PTPRR: variants seen among roughly 807,000 people sequenced by gnomAD.
PTPRR encodes the protein receptor-type tyrosine-protein phosphatase R.
PTPRR carries 38 observed loss-of-function variants against 77.2 expected under a neutral mutation model. The ratio of observed to expected loss-of-function variants is 0.49; its 90% confidence interval spans 0.38 to 0.65. PTPRR has a LOEUF of 0.65. Ranked by LOEUF, PTPRR falls within the 30% of genes least tolerant of loss-of-function variation. The pLI is 0.00. For synonymous variants in PTPRR, 299 were observed against 283.1 expected (o/e 1.06, Z -0.57); for missense variants, 744 against 799.2 (o/e 0.93, Z 0.83).
intron 6 of PTPRR, among the ~76,000 whole-genome samples, chr12:70,703,623 G>GATA (rs1888510930): frequency 1.3e-5 from 2 of 152,204 alleles, no homozygotes; most frequent in African/African-American, 4.8e-5. Context: ...TACGGATTCT[G>GATA]ATAATAGTTT....
intron 4 of PTPRR, among the ~76,000 whole-genome samples, chr12:70,758,161 C>T (rs1890605681): frequency 6.6e-6 from 1 of 152,240 alleles, no homozygotes; most frequent in Non-Finnish European, 1.5e-5. Context: ...AATACTTCCT[C>T]ATCTTCTGTA....
chr12:70,761,032 A>G lies in PTPRR; in HGVS notation c.627+439T>C, dbSNP rs147769031. ...AAAAATCACATTTCAAATTAATTTC[A>G]AAGTTATGGGAAAAGGCGAATATCT... On this transcript the variant is annotated intron_variant, in intron 4 of 13. Coordinates refer to ENST00000283228, the MANE Select transcript of PTPRR (RefSeq NM_002849.4). Among the ~76,000 whole-genome samples the G allele has an allele frequency of 2.8e-3, 432 of 152,338 alleles. 2 individuals carry two copies. The highest frequency in any genetic ancestry group is 4.6e-3 in the Non-Finnish European group (310 of 68,034).
chr12:70,724,574 T>C (rs1889369510), intron 6 of PTPRR, among the ~76,000 whole-genome samples: 1 of 152,218 alleles, frequency 6.6e-6, no homozygotes, highest in Admixed American at 6.5e-5. Flanking sequence ...CCTTCAGTGC[T>C]ACTGCTACCC....
intron 2 of PTPRR, among the ~76,000 whole-genome samples, chr12:70,807,545 T>A (rs1241946772): frequency 1.3e-5 from 2 of 152,210 alleles, no homozygotes; most frequent in Non-Finnish European, 2.9e-5. Context: ...TTTAGTTCAG[T>A]ATATTTTAAA....
chr12:70,664,075 C>T (rs954662217), intron 10 of PTPRR, among the ~76,000 whole-genome samples: 3 of 152,172 alleles, frequency 2.0e-5, no homozygotes, highest in Non-Finnish European at 2.9e-5. Flanking sequence ...GAATCAGTTT[C>T]TTTCATCCAT....
At chr12:70,769,505 A>C (rs567754142) in intron 2 of PTPRR, among the ~76,000 whole-genome samples, 15 of 152,328 alleles carry the variant, frequency 9.8e-5, no homozygotes, top group Non-Finnish European at 2.1e-4. Flanking sequence ...TCAATGAAAT[A>C]AAAGAGGATA....
intron 6 of PTPRR, among the ~76,000 whole-genome samples, chr12:70,740,521 C>A (rs773917429): frequency 6.6e-6 from 1 of 152,186 alleles, no homozygotes; most frequent in African/African-American, 2.4e-5. Context: ...TACAGGCATG[C>A]ACCACCATGC....
chr12:70,642,136 G>T (rs1886026792), intron 13 of PTPRR, among the ~76,000 whole-genome samples: 1 of 151,994 alleles, frequency 6.6e-6, no homozygotes, highest in African/African-American at 2.4e-5. Context: ...GTTTGCAGGT[G>T]CATCAGGTGG....
intron 2 of PTPRR, among the ~76,000 whole-genome samples, chr12:70,802,547 A>G (rs1311020169): frequency 6.6e-6 from 1 of 152,244 alleles, no homozygotes; most frequent in Non-Finnish European, 1.5e-5. Flanking sequence ...TCTGTTAGAT[A>G]ATAATTAAGA....
At chr12:70,853,399 G>T (rs1027515754) in intron 2 of PTPRR, among the ~76,000 whole-genome samples, 1 of 152,142 alleles carries the variant, frequency 6.6e-6, no homozygotes, top group African/African-American at 2.4e-5. Context: ...ACTACATAAG[G>T]TCGCACAACT....
At chr12:70,732,941 T>G (rs1183615714) in intron 6 of PTPRR, among the ~76,000 whole-genome samples, 1 of 152,196 alleles carries the variant, frequency 6.6e-6, no homozygotes, top group Non-Finnish European at 1.5e-5. Flanking sequence ...TTTTTTCATA[T>G]TGAGATTTAA....
At position 70,767,939 on chromosome 12, in the gene PTPRR, A is replaced by G. The variant is rs534638899; in HGVS notation, c.358-3161T>C. ...ACTGGGTACATAACGAAATGAAGGC[A>G]GAAATAAAGATGTTCTTTGAAACCA... On this transcript the variant is annotated intron_variant, in intron 2 of 13. Transcript: ENST00000283228. Among the ~76,000 whole-genome samples the G allele has an allele frequency of 7.2e-5, 11 of 152,276 alleles. No homozygotes were observed. In the East Asian group the frequency reaches 1.9e-3, roughly 27 times the overall value.
chr12:70,859,368 T>C (rs1302795809), intron 2 of PTPRR, among the ~76,000 whole-genome samples: 1 of 152,040 alleles, frequency 6.6e-6, no homozygotes, highest in Non-Finnish European at 1.5e-5. Flanking sequence ...TCCAGGTGAT[T>C]CTAATATGTA....
chr12:70,892,579 T>C, intron 2 of PTPRR, 100 bp downstream of exon 2: 1 of 1,356,416 alleles, frequency 7.4e-7, no homozygotes, highest in Non-Finnish European at 1.0e-6. Flanking sequence ...CCGTTGGGAT[T>C]CATTGATAAC....
intron 13 of PTPRR, among the ~76,000 whole-genome samples, chr12:70,651,748 A>T (rs547879979): frequency 6.6e-6 from 1 of 152,306 alleles, no homozygotes; most frequent in East Asian, 1.9e-4. Flanking sequence ...ATATTCCAAA[A>T]GCCTATTTAC....
At chr12:70,785,653 C>A (rs1891305285) in intron 2 of PTPRR, among the ~76,000 whole-genome samples, 1 of 152,030 alleles carries the variant, frequency 6.6e-6, no homozygotes. Context: ...AGTATCATTT[C>A]TATGCTTTGT....
At chr12:70,805,919 T>G (rs1462757111) in intron 2 of PTPRR, among the ~76,000 whole-genome samples, 2 of 152,228 alleles carry the variant, frequency 1.3e-5, no homozygotes, top group Admixed American at 6.5e-5. Flanking sequence ...TGTATATGTA[T>G]TTCATATAGC....
At chr12:70,653,453 G>A (rs1886467913) in intron 13 of PTPRR, among the ~76,000 whole-genome samples, 1 of 152,132 alleles carries the variant, frequency 6.6e-6, no homozygotes. Context: ...TGTGGGGTGT[G>A]GTAAGAGGGA....
intron 2 of PTPRR, among the ~76,000 whole-genome samples, chr12:70,829,173 A>C (rs1442292970): frequency 3.9e-5 from 6 of 152,062 alleles, no homozygotes. Flanking sequence ...ACAGTGGCAC[A>C]TAATAGGCAT....
Sources: allele counts gnomAD v4.1 joint callset (sites outside exome capture counted in the v4.1 genomes callset), GRCh38; gene constraint gnomAD v4.1.1; transcripts MANE v1.5; gene names NCBI Gene and HGNC (gene_info 2026-07-23, HGNC 2026-07-21).